ADK: variants seen among roughly 807,000 people sequenced by gnomAD.
ADK encodes N6,N6-dimethyladenosine kinase.
A neutral mutation model predicts 44.7 loss-of-function variants in ADK; 24 were observed. That is an observed-to-expected ratio of 0.54 (90% CI 0.39 to 0.76). ADK has a LOEUF of 0.76. ADK is among the 30% of genes least tolerant of loss of function. ADK has a pLI of 0.00. For synonymous variants in ADK, 128 were observed against 142.6 expected (o/e 0.90, Z 0.73); for missense variants, 321 against 425.1 (o/e 0.76, Z 2.15).
intron 10 of ADK, among the ~76,000 whole-genome samples, chr10:74,673,239 C>A (rs542420361): frequency 1.3e-5 from 2 of 152,316 alleles, no homozygotes; most frequent in East Asian, 3.9e-4. Context: ...TTTTGCTAAG[C>A]AGTAGAATCG....
chr10:74,507,392 C>T (rs775365536), intron 6 of ADK, among the ~76,000 whole-genome samples: 10 of 151,982 alleles, frequency 6.6e-5, no homozygotes, highest in Non-Finnish European at 1.3e-4. Flanking sequence ...GTGGACAGAT[C>T]GCTTGAGCCC....
At chr10:74,552,255 A>G (rs116057222) in intron 7 of ADK, among the ~76,000 whole-genome samples, 147 of 152,328 alleles carry the variant, frequency 9.7e-4, no homozygotes, top group African/African-American at 3.4e-3. Context: ...TATTGATAGA[A>G]AAGATTAAAA....
At chr10:74,422,098 C>T (rs1038475406) in intron 6 of ADK, among the ~76,000 whole-genome samples, 1 of 152,098 alleles carries the variant, frequency 6.6e-6, no homozygotes, top group African/African-American at 2.4e-5. Context: ...TTGACTATTT[C>T]CATTGGAGAA....
chr10:74,573,545 A>G (rs1366433288), intron 7 of ADK, among the ~76,000 whole-genome samples: 2 of 152,344 alleles, frequency 1.3e-5, no homozygotes, highest in East Asian at 1.9e-4. Flanking sequence ...GCTGTCAGAT[A>G]GGGACATTTA....
intron 10 of ADK, among the ~76,000 whole-genome samples, chr10:74,674,076 G>C (rs903692977): frequency 6.6e-6 from 1 of 152,134 alleles, no homozygotes; most frequent in African/African-American, 2.4e-5. Context: ...CAACATTTGA[G>C]CAGGAAAACA....
At chr10:74,503,995 A>G (rs933887310) in intron 6 of ADK, among the ~76,000 whole-genome samples, 3 of 152,086 alleles carry the variant, frequency 2.0e-5, no homozygotes, top group African/African-American at 7.2e-5. Context: ...AAGTACTTCC[A>G]TTTTCCAAGT....
chr10:74,421,017 C>T (rs1017286002), intron 6 of ADK, among the ~76,000 whole-genome samples: 1 of 151,988 alleles, frequency 6.6e-6, no homozygotes. Context: ...CTGTACATCA[C>T]AAAGGGTTAA....
intron 8 of ADK, among the ~76,000 whole-genome samples, chr10:74,598,335 G>A (rs1375286407): frequency 6.7e-6 from 1 of 150,328 alleles, no homozygotes; most frequent in African/African-American, 2.4e-5. Context: ...ATTTTATGAG[G>A]TTTAATTTGA....
chr10:74,624,179 C>T (rs917464588), intron 9 of ADK, among the ~76,000 whole-genome samples: 1 of 151,302 alleles, frequency 6.6e-6, no homozygotes, highest in African/African-American at 2.4e-5. Context: ...ACCAAGCTGG[C>T]TTATCCTATT....
chr10:74,302,097 T>TTTTGTTTGTTTG (rs769629153), intron 3 of ADK, among the ~76,000 whole-genome samples: 3 of 63,838 alleles, frequency 4.7e-5, no homozygotes, highest in African/African-American at 1.7e-4. Context: ...TCTGTTTTTT[T>TTTTGTTTGTTTG]TTTGTTTGTT....
intron 7 of ADK, among the ~76,000 whole-genome samples, chr10:74,540,764 T>G (rs1220695736): frequency 6.6e-6 from 1 of 152,104 alleles, no homozygotes; most frequent in Non-Finnish European, 1.5e-5. Flanking sequence ...CAGCCAAAAA[T>G]TATTGTTTAT....
chr10:74,446,669 G>T (rs1845599013), intron 6 of ADK, among the ~76,000 whole-genome samples: 1 of 152,072 alleles, frequency 6.6e-6, no homozygotes, highest in African/African-American at 2.4e-5. Flanking sequence ...TACATACAGT[G>T]AATGAAATAT....
chr10:74,229,815 T>A (rs1844686427), intron 3 of ADK, among the ~76,000 whole-genome samples: 1 of 152,096 alleles, frequency 6.6e-6, no homozygotes, highest in African/African-American at 2.4e-5. Flanking sequence ...GGCAGGAGGA[T>A]TGCTTGAGTC....
intron 9 of ADK, among the ~76,000 whole-genome samples, chr10:74,625,024 A>G (rs1853134568): frequency 6.6e-6 from 1 of 152,146 alleles, no homozygotes; most frequent in Non-Finnish European, 1.5e-5. Context: ...GTAACAGCAC[A>G]AATAAATTCA....
chr10:74,489,628 G>A (rs1847399759), intron 6 of ADK, among the ~76,000 whole-genome samples: 1 of 151,744 alleles, frequency 6.6e-6, no homozygotes, highest in South Asian at 2.1e-4. Flanking sequence ...GACATACCTA[G>A]TCCTGAAAAT....
intron 9 of ADK, among the ~76,000 whole-genome samples, chr10:74,651,191 G>T (rs545789454): frequency 2.0e-5 from 3 of 152,174 alleles, no homozygotes; most frequent in Admixed American, 6.5e-5. Flanking sequence ...AACAAATATG[G>T]CCTATTTTGA....
At chr10:74,292,258 G>C (rs1839650375) in intron 3 of ADK, among the ~76,000 whole-genome samples, 1 of 152,112 alleles carries the variant, frequency 6.6e-6, no homozygotes, top group Non-Finnish European at 1.5e-5. Context: ...AGGTCTTTTG[G>C]TTCTGTGTTA....
chr10:74,326,908 T>G (rs1841039960), intron 4 of ADK, among the ~76,000 whole-genome samples: 2 of 151,984 alleles, frequency 1.3e-5, no homozygotes, highest in Admixed American at 1.3e-4. Context: ...GTTTCTCACT[T>G]TATTATTTGT....
At chr10:74,306,763 C>T (rs906818540) in intron 3 of ADK, among the ~76,000 whole-genome samples, 5 of 152,092 alleles carry the variant, frequency 3.3e-5, no homozygotes, top group African/African-American at 1.2e-4. Flanking sequence ...GTTCCTAGAG[C>T]CTGAACCTCT....
Sources: allele counts gnomAD v4.1 joint callset (sites outside exome capture counted in the v4.1 genomes callset), GRCh38; gene constraint gnomAD v4.1.1; transcripts MANE v1.5; gene names NCBI Gene and HGNC (gene_info 2026-07-23, HGNC 2026-07-21).